The following MSR1 variants were observed in gnomAD, a reference collection of about 807,000 sequenced individuals.
MSR1 encodes macrophage scavenger receptor types I and II.
In MSR1, 53 loss-of-function variants were observed where a neutral mutation model predicts 47.2. That is an observed-to-expected ratio of 1.12 (90% CI 0.90 to 1.41). The LOEUF is 1.41. Ranked by LOEUF, MSR1 falls within the 40% of genes most tolerant of loss-of-function variation. The pLI is 0.00. For synonymous variants in MSR1, 239 were observed against 185.6 expected (o/e 1.29, Z -2.34); for missense variants, 786 against 546.9 (o/e 1.44, Z -4.36).
intron 1 of MSR1, among the ~76,000 whole-genome samples, chr8:16,192,064 G>T (rs387366): frequency 0.18 from 27,862 of 151,750 alleles, 3,958 homozygotes; most frequent in African/African-American, 0.39. Flanking sequence ...ATAAGATTCC[G>T]GAGCACAAAA....
intron 1 of MSR1, among the ~76,000 whole-genome samples, chr8:16,179,479 C>T (rs938896929): frequency 5.3e-5 from 8 of 152,108 alleles, no homozygotes; most frequent in African/African-American, 1.9e-4. Context: ...AAGGAATTTC[C>T]TTAGTATTAT....
chr8:16,145,543 G>A (rs959719051), intron 7 of MSR1, among the ~76,000 whole-genome samples: 9 of 152,220 alleles, frequency 5.9e-5, no homozygotes, highest in East Asian at 3.9e-4. Flanking sequence ...AGATATTTCA[G>A]AATAGACATG....
chr8:16,158,988 T>C (rs987340984), intron 5 of MSR1, among the ~76,000 whole-genome samples: 1 of 147,940 alleles, frequency 6.8e-6, no homozygotes, highest in Non-Finnish European at 1.5e-5. Flanking sequence ...TAGGCTGGTC[T>C]TGAACTTCTG....
At chr8:16,151,357 A>G (rs1206498246) in intron 6 of MSR1, among the ~76,000 whole-genome samples, 1 of 152,136 alleles carries the variant, frequency 6.6e-6, no homozygotes, top group Non-Finnish European at 1.5e-5. Context: ...ATAACTCTGT[A>G]AATGAAGCAT....
rs889843494 is a variant in MSR1, at chr8:16,133,284, G to A, written c.1033+10274C>T. Among the ~76,000 whole-genome samples, 7 of 152,230 alleles carry A rather than the reference G, an allele frequency of 4.6e-5. No homozygotes were observed. In the East Asian group the frequency reaches 1.2e-3, roughly 25 times the overall value. On this transcript the variant is annotated intron_variant, in intron 8 of 9. Transcript: ENST00000262101. ...TTAAGAATTTAACTATATCAATGTTGTAATCTTCTCATTATTGAAAGAAGA... is the reference window on the plus strand; with the variant it reads ...TTAAGAATTTAACTATATCAATGTTATAATCTTCTCATTATTGAAAGAAGA...
intron 6 of MSR1, among the ~76,000 whole-genome samples, chr8:16,151,514 G>C (rs1800858327): frequency 6.6e-6 from 1 of 152,070 alleles, no homozygotes. Flanking sequence ...CACAGCTGTT[G>C]AACTTTATTC....
intron 8 of MSR1, chr8:16,140,275 C>G (rs1800519186): frequency 1.0e-6 from 1 of 983,496 alleles, no homozygotes; most frequent in Non-Finnish European, 1.2e-6. Flanking sequence ...GGCTCTGTCT[C>G]TTAAAACAAG....
At chr8:16,120,685 T>C in intron 8 of MSR1, 79 bp from the exon 9 acceptor site, 1 of 1,468,212 alleles carries the variant, frequency 6.8e-7, no homozygotes, top group Non-Finnish European at 9.0e-7. Flanking sequence ...TACAGCACTT[T>C]TTTTTTAAAC....
intron 5 of MSR1, among the ~76,000 whole-genome samples, chr8:16,158,931 T>A (rs1048424305): frequency 7.5e-5 from 2 of 26,826 alleles, no homozygotes; most frequent in African/African-American, 1.5e-4. Flanking sequence ...CTTTGGTTAA[T>A]TTTTTTTTTT....
At chr8:16,190,723 C>CTTTTTT (rs772816603) in intron 1 of MSR1, among the ~76,000 whole-genome samples, 3,875 of 144,604 alleles carry the variant, frequency 0.027, 263 homozygotes, top group African/African-American at 0.099. Context: ...TTTTTTCTTT[C>CTTTTTT]TTTCTTTTTG....
At chr8:16,170,558 A>G (rs1585183691) in intron 3 of MSR1, among the ~76,000 whole-genome samples, 1 of 152,304 alleles carries the variant, frequency 6.6e-6, no homozygotes, top group East Asian at 1.9e-4. Context: ...TGGAACAATA[A>G]AAAGAATAAT....
At chr8:16,130,686 G>T (rs528294651) in intron 8 of MSR1, among the ~76,000 whole-genome samples, 2 of 151,834 alleles carry the variant, frequency 1.3e-5, no homozygotes, top group African/African-American at 2.4e-5. Context: ...CTTTGTGTCC[G>T]TATCTACTCA....
At chr8:16,181,667 G>A (rs377442392) in intron 1 of MSR1, among the ~76,000 whole-genome samples, 27 of 151,948 alleles carry the variant, frequency 1.8e-4, no homozygotes, top group African/African-American at 6.0e-4. Flanking sequence ...GAGGCAAGGG[G>A]AGGGATAGCA....
intron 1 of MSR1, among the ~76,000 whole-genome samples, chr8:16,180,893 T>TGACC (rs767639285): frequency 2.6e-5 from 4 of 152,138 alleles, no homozygotes; most frequent in Non-Finnish European, 5.9e-5. Context: ...TTAATGGATC[T>TGACC]GACCACTGTG....
chr8:16,126,263 C>A (rs2117074509), intron 8 of MSR1, among the ~76,000 whole-genome samples: 1 of 152,188 alleles, frequency 6.6e-6, no homozygotes, highest in Non-Finnish European at 1.5e-5. Flanking sequence ...GTAAGGTCTT[C>A]TTTGCATGTG....
intron 5 of MSR1, among the ~76,000 whole-genome samples, chr8:16,155,602 C>T (rs115656581): frequency 2.0e-3 from 298 of 152,074 alleles, no homozygotes; most frequent in African/African-American, 6.1e-3. Flanking sequence ...TGGTAGACAA[C>T]CAGAAAGCAC....
chr8:16,136,434 G>C (rs1245924761), intron 8 of MSR1, among the ~76,000 whole-genome samples: 2 of 152,062 alleles, frequency 1.3e-5, no homozygotes, highest in African/African-American at 2.4e-5. Context: ...CTCCAGTGTA[G>C]TGTAAATATA....
chr8:16,171,429 A>T (rs188326418), intron 3 of MSR1, among the ~76,000 whole-genome samples: 51 of 152,260 alleles, frequency 3.3e-4, no homozygotes, highest in African/African-American at 1.1e-3. Context: ...GTGATCTACA[A>T]TAGAGTTTGT....
chr8:16,146,530 C>T (rs1255250196), intron 7 of MSR1, among the ~76,000 whole-genome samples: 1 of 152,130 alleles, frequency 6.6e-6, no homozygotes, highest in Non-Finnish European at 1.5e-5. Flanking sequence ...TCACCCCACC[C>T]CACAGAATCT....
Sources: gnomAD v4.1 joint callset for allele counts (sites outside exome capture counted in the v4.1 genomes callset) on GRCh38, gnomAD v4.1.1 for gene constraint, MANE v1.5 for transcripts, NCBI Gene and HGNC (gene_info 2026-07-23, HGNC 2026-07-21) for gene names.